Variants in GFI1B observed in about 807,000 individuals in gnomAD.
The protein encoded by GFI1B is growth factor independent 1B transcriptional repressor.
In GFI1B, 20 loss-of-function variants were observed where a neutral mutation model predicts 35.3. The ratio of observed to expected loss-of-function variants is 0.57; its 90% CI spans 0.40 to 0.82. The LOEUF is 0.82. Ranked by LOEUF, GFI1B falls within the 40% of genes least tolerant of loss-of-function variation. GFI1B has a pLI of 0.00. For synonymous variants in GFI1B, 178 were observed against 177.6 expected (o/e 1.00, Z -0.02); for missense variants, 430 against 446.3 (o/e 0.96, Z 0.33).
Position 132,983,253 on chromosome 9 carries a change from G to A in GFI1B, c.-20-3406G>A, listed in dbSNP as rs1026066738. On this transcript the variant is annotated intron_variant, in intron 1 of 6. Transcript: ENST00000372122. ...CTGTCACCCAGGCTGAAGTGCAGTGGTGGTGTGATCTCGGCTCACTGCAAC... is the reference window on the plus strand; with the variant it reads ...CTGTCACCCAGGCTGAAGTGCAGTGATGGTGTGATCTCGGCTCACTGCAAC... 6.1e-5 allele frequency among the ~76,000 whole-genome samples: 9 copies of A among 146,824 alleles called. No homozygotes were observed. The South Asian group carries it at 1.5e-3, about 25-fold the overall frequency.
chr9:132,949,268 T>TACACACACACACACAC (rs36015720), intron 1 of GFI1B, among the ~76,000 whole-genome samples: 1 of 137,588 alleles, frequency 7.3e-6, no homozygotes, highest in African/African-American at 2.8e-5. Flanking sequence ...AACCCACAGA[T>TACACACACACACACAC]ACACACACAC....
intron 1 of GFI1B, among the ~76,000 whole-genome samples, chr9:132,966,118 A>C (rs1848447145): frequency 6.6e-6 from 1 of 152,230 alleles, no homozygotes. Flanking sequence ...TCAGCACTTG[A>C]GAGGTCAAGG....
rs764694287 is a variant in GFI1B at position 132,989,186 on chromosome 9, C to T, written c.636C>T (p.His212=). The change falls in exon 5 of 7, where the codon CAC becomes CAT. Residue 212 remains histidine, a synonymous_variant. Coordinates refer to ENST00000372122, the MANE Select transcript of GFI1B (RefSeq NM_001377304.1). The surrounding 1 kb of genome is among the most constrained non-coding windows in gnomAD (Gnocchi z 6.2). ...GHAVSLEQHT[H]VHSQERSFEC... The stretch of plus-strand genomic sequence containing the variant: ...CTGTGAGCCTGGAGCAGCACACGCA[C>T]GTCCACTCCCAGGTGGGCACCTGGC... 37 of 1,613,056 alleles carry T rather than the reference C, an allele frequency of 2.3e-5. No individual in the cohort carries two copies. The highest frequency in any genetic ancestry group is 1.6e-4 in the East Asian group (7 of 44,884).
Position 132,946,268 on chromosome 9 carries a change from G to C in GFI1B, c.-701+599G>C, listed in dbSNP as rs1204844187. The stretch of plus-strand genomic sequence containing the variant: ...GACCAGAGTTTGAATGTAGGTTTCA[G>C]CCATCATGTTCTAACTGGATGAGCC... On this transcript the variant is annotated intron_variant, in intron 1 of 10. Coordinates refer to the GFI1B transcript ENST00000339463. 7.9e-5 allele frequency among the ~76,000 whole-genome samples: 12 copies of C among 152,276 alleles called. No individual in the cohort carries two copies. In the East Asian group the frequency reaches 1.3e-3, roughly 17 times the overall value.
chr9:132,959,691 G>C (rs1848336678), intron 1 of GFI1B, among the ~76,000 whole-genome samples: 1 of 152,214 alleles, frequency 6.6e-6, no homozygotes, highest in African/African-American at 2.4e-5. Context: ...TCAGTCAGCA[G>C]GGTTGGTTCC....
intron 1 of GFI1B, chr9:132,963,660 T>A (rs1317607438): frequency 6.6e-6 from 1 of 151,840 alleles, no homozygotes; most frequent in Non-Finnish European, 1.5e-5. Context: ...GCCAAAAAAA[T>A]ATTTCTTATG....
chr9:132,972,926 AAG>A (rs1465276197), intron 2 of GFI1B, among the ~76,000 whole-genome samples: 4 of 152,160 alleles, frequency 2.6e-5, no homozygotes, highest in African/African-American at 9.6e-5. Flanking sequence ...TGGACCTGGA[AAG>A]AGGTCCGTAG....
chr9:132,991,195 G>C lies in GFI1B; in HGVS notation c.*145G>C. Reference sequence around the variant, plus strand: ...TTGTTTTGAGACTCATGAAATTGCTGTGTGACCTTGGGCAAGTCACTTACC... The same window carrying C: ...TTGTTTTGAGACTCATGAAATTGCTCTGTGACCTTGGGCAAGTCACTTACC... On this transcript the variant is annotated 3_prime_UTR_variant, in exon 7 of 7. Coordinates refer to ENST00000372122, the MANE Select transcript of GFI1B (RefSeq NM_001377304.1). 5.4e-6 allele frequency: 4 copies of C among 743,438 alleles called. No homozygotes were observed. The highest frequency in any genetic ancestry group is 3.2e-5 in the South Asian group (2 of 62,994). The allele number at this position is 743,438 out of a possible 1,614,324, so 46.1% of individuals were successfully genotyped here.
intron 1 of GFI1B, among the ~76,000 whole-genome samples, chr9:132,949,342 TAC>T (rs367698473): frequency 6.3e-5 from 7 of 110,484 alleles, no homozygotes; most frequent in East Asian, 2.7e-4. Context: ...CACACACACA[TAC>T]ACACACACAC....
At chr9:132,967,938 GC>G (rs1202927727) in intron 1 of GFI1B, among the ~76,000 whole-genome samples, 1 of 151,766 alleles carries the variant, frequency 6.6e-6, no homozygotes. Context: ...GTGCCACCAC[GC>G]CCGGCTAATT....
At chr9:132,967,343 AATGGCACC>A (rs1848464597) in intron 1 of GFI1B, among the ~76,000 whole-genome samples, 1 of 152,226 alleles carries the variant, frequency 6.6e-6, no homozygotes, top group Non-Finnish European at 1.5e-5. Flanking sequence ...GAAGAGGTTA[AATGGCACC>A]ATGACAAAAC....
At chr9:132,981,635 C>T (rs1010092781) in intron 1 of GFI1B, among the ~76,000 whole-genome samples, 2 of 152,078 alleles carry the variant, frequency 1.3e-5, no homozygotes, top group Non-Finnish European at 2.9e-5. Context: ...GAGACTCTGT[C>T]TCAAAATAAT....
intron 3 of GFI1B, among the ~76,000 whole-genome samples, chr9:132,987,978 G>T (rs775002956): frequency 3.3e-5 from 5 of 152,180 alleles, no homozygotes; most frequent in African/African-American, 4.8e-5. Flanking sequence ...CCTAGTAGCT[G>T]GGATTATAGG....
upstream of GFI1B, among the ~76,000 whole-genome samples, chr9:132,974,296 G>A (rs1370182336): frequency 6.6e-6 from 1 of 152,044 alleles, no homozygotes; most frequent in African/African-American, 2.4e-5. Flanking sequence ...ATAAATAAAT[G>A]AATTAAAAGA....
Position 132,988,136 on chromosome 9 carries a change from C to T in GFI1B, c.239-61C>T, listed in dbSNP as rs1275856930. The T allele has an allele frequency of 3.3e-6, 5 of 1,516,300 alleles. No individual in the cohort carries two copies. The East Asian group carries it at 9.0e-5, about 27-fold the overall frequency. The allele number at this position is 1,516,300 out of a possible 1,614,324, so 93.9% of individuals were successfully genotyped here. A position where few individuals can be genotyped will look rare whatever the true frequency, so the allele number is the denominator to read the frequency against. Reference sequence around the variant, plus strand: ...GCTGGAATTGCAGGCATGAGCCACGCCACTGTGCCCAACCCCCTGTGTTTA... The same window carrying T: ...GCTGGAATTGCAGGCATGAGCCACGTCACTGTGCCCAACCCCCTGTGTTTA... On this transcript the variant is annotated intron_variant, in intron 3 of 6. Coordinates refer to ENST00000372122, the MANE Select transcript of GFI1B (RefSeq NM_001377304.1).
intron 2 of GFI1B, among the ~76,000 whole-genome samples, 169 bp downstream of exon 2, chr9:132,986,947 C>T (rs796456201): frequency 2.6e-5 from 4 of 152,318 alleles, no homozygotes; most frequent in African/African-American, 7.2e-5. Context: ...TGAGTGATGC[C>T]CTCATCCCTT....
At chr9:132,969,022 C>G (rs865817048) in intron 1 of GFI1B, among the ~76,000 whole-genome samples, 14 of 151,662 alleles carry the variant, frequency 9.2e-5, no homozygotes, top group Non-Finnish European at 1.8e-4. Context: ...CTTCCTGTCT[C>G]TATGATTTGT....
At chr9:132,986,928 G>A (rs1021323428) in intron 2 of GFI1B, 150 bp downstream of exon 2, 14 of 655,848 alleles carry the variant, frequency 2.1e-5, no homozygotes, top group African/African-American at 7.1e-5. Context: ...GATGAAAGGA[G>A]TAGACAAATG....
At chr9:132,976,174 T>C (rs1213122258), upstream of GFI1B, among the ~76,000 whole-genome samples, 1 of 151,862 alleles carries the variant, frequency 6.6e-6, no homozygotes, top group Non-Finnish European at 1.5e-5. Context: ...CCTAAACAAG[T>C]GGAGGAAGCG....
Sources: gnomAD v4.1 joint callset for allele counts (sites outside exome capture counted in the v4.1 genomes callset) on GRCh38, gnomAD v4.1.1 for gene constraint, Gnocchi (gnomAD v3.1) non-coding constraint, MANE v1.5 for transcripts, NCBI Gene and HGNC (gene_info 2026-07-23, HGNC 2026-07-21) for gene names.